The following ZNF664 variants were observed in gnomAD, a reference collection of about 807,000 sequenced individuals.
ZNF664 encodes the protein zinc finger Organ of Corti 1.
Under a neutral mutation model 18.2 loss-of-function variants are expected in ZNF664, and 10 were observed. The observed-to-expected ratio is 0.55, with a 90% CI of 0.34 to 0.93. ZNF664 has a LOEUF of 0.93. Ranked by LOEUF, ZNF664 falls within the 40% of genes least tolerant of loss-of-function variation. ZNF664 has a pLI of 0.02. For missense variants in ZNF664, 193 were observed against 319.0 expected, an observed-to-expected ratio of 0.61 and a Z score of 3.01; for synonymous variants, 119 against 104.2, an observed-to-expected ratio of 1.14 and a Z score of -0.86.
chr12:124,009,132 A>G (rs1957106707), intron 3 of ZNF664, among the ~76,000 whole-genome samples: 1 of 152,214 alleles, frequency 6.6e-6, no homozygotes, highest in African/African-American at 2.4e-5. Context: ...GGCTCCTAAC[A>G]ACTTTAACAT....
chr12:123,985,908 G>A (rs569050734), intron 2 of ZNF664, among the ~76,000 whole-genome samples: 3 of 152,286 alleles, frequency 2.0e-5, no homozygotes, highest in East Asian at 1.9e-4. Context: ...GCTTTGATTG[G>A]CTATAGACAT....
chr12:123,973,920 C>G lies in ZNF664; in HGVS notation c.-857C>G, dbSNP rs1398280436. The G allele has an allele frequency of 3.2e-6, 4 of 1,231,900 alleles. No homozygotes were observed. The highest frequency in any genetic ancestry group is 3.2e-5 in the East Asian group (1 of 31,712). The allele number at this position is 1,231,900 out of a possible 1,614,324, so 76.3% of individuals were successfully genotyped here. ...CGTCCGGCAGAGGAGGCGAGCATCC[C>G]GCTCAGGTGATGAGGAACCCCTCGC... On this transcript the variant is annotated 5_prime_UTR_variant, in exon 2 of 5. Transcript: ENST00000337815.
chr12:123,973,779 G>A (rs1956635371), intron 1 of ZNF664, 107 bp from the exon 2 acceptor site: 20 of 1,218,590 alleles, frequency 1.6e-5, no homozygotes, highest in Non-Finnish European at 1.8e-5. Flanking sequence ...GCGTCTTGGA[G>A]CCCTTCCAGG....
Position 123,973,892 on chromosome 12 carries a change from C to G in ZNF664, c.-885C>G. On this transcript the variant is annotated 5_prime_UTR_variant, in exon 2 of 5. Coordinates refer to ENST00000337815, the MANE Select transcript of ZNF664 (RefSeq NM_152437.3). ...GGTGCTGTGTGTTTTTCAGGGCGCCCTGCGTCCGGCAGAGGAGGCGAGCAT... is the reference window on the plus strand; with the variant it reads ...GGTGCTGTGTGTTTTTCAGGGCGCCGTGCGTCCGGCAGAGGAGGCGAGCAT... The G allele has an allele frequency of 1.6e-6, 2 of 1,231,862 alleles. No homozygotes were observed. The highest frequency in any genetic ancestry group is 2.0e-6 in the Non-Finnish European group (2 of 988,098). 76.3% of individuals were successfully genotyped at this position (1,231,862 alleles called of 1,614,324 possible).
rs1245222741 is a variant in ZNF664, at chr12:123,977,476, A to C, written c.-757+3456A>C. Among the ~76,000 whole-genome samples, 4 of 151,844 alleles carry C rather than the reference A, an allele frequency of 2.6e-5. No homozygotes were observed. In the East Asian group the frequency reaches 5.8e-4, roughly 22 times the overall value. On this transcript the variant is annotated intron_variant, in intron 2 of 4. Transcript: ENST00000337815. ...CCTAAAATGGCCAAAAAAAAAAAAA[A>C]AAAACCCTAAACAAGAAACTGGCTC...
At chr12:123,973,601 G>C (rs2138288614) in intron 1 of ZNF664, 2 of 401,586 alleles carry the variant, frequency 5.0e-6, no homozygotes, top group East Asian at 1.4e-4. Flanking sequence ...CGCAGTGCGG[G>C]GGAGCGGGGC....
At position 123,973,882 on chromosome 12, in the gene ZNF664, T is replaced by G. The variant is rs1238629659; in HGVS notation, c.-891-4T>G. On this transcript the variant is annotated splice_region_variant and splice_polypyrimidine_tract_variant and intron_variant, in intron 1 of 4. Coordinates refer to ENST00000337815, the MANE Select transcript of ZNF664 (RefSeq NM_152437.3). ...GGCTGCATGGGGTGCTGTGTGTTTT[T>G]CAGGGCGCCCTGCGTCCGGCAGAGG... The G allele has an allele frequency of 1.6e-5, 16 of 1,014,500 alleles. No individual in the cohort carries two copies. The highest frequency in any genetic ancestry group is 2.0e-5 in the Non-Finnish European group (16 of 798,144). 62.8% of individuals were successfully genotyped at this position (1,014,500 alleles called of 1,614,324 possible).
At chr12:123,976,281 CTT>C (rs1956690751) in intron 2 of ZNF664, among the ~76,000 whole-genome samples, 1 of 152,150 alleles carries the variant, frequency 6.6e-6, no homozygotes, top group East Asian at 1.9e-4. Flanking sequence ...CTAGGAAAGA[CTT>C]TTCTGTATAA....
chr12:124,009,432 T>A (rs1053633859), intron 3 of ZNF664, among the ~76,000 whole-genome samples: 1 of 152,154 alleles, frequency 6.6e-6, no homozygotes, highest in Admixed American at 6.5e-5. Context: ...TTCTCCCCCA[T>A]AAGTAATCAT....
chr12:123,993,615 A>G (rs965239171), intron 3 of ZNF664, among the ~76,000 whole-genome samples: 3 of 152,206 alleles, frequency 2.0e-5, no homozygotes, highest in African/African-American at 7.2e-5. Flanking sequence ...CCTGAGGCTC[A>G]TGGAGAGTGG....
chr12:123,997,457 A>G (rs1292134705), intron 3 of ZNF664, among the ~76,000 whole-genome samples: 1 of 152,208 alleles, frequency 6.6e-6, no homozygotes, highest in East Asian at 1.9e-4. Flanking sequence ...AAGGCTTTAC[A>G]GGAGAATCCT....
At position 124,015,124 on chromosome 12, in the gene ZNF664, T is replaced by C. The variant is rs1157108056; in HGVS notation, c.*2194T>C. 2 of 167,146 alleles carry C rather than the reference T, an allele frequency of 1.2e-5. No homozygotes were observed. Among genetic ancestry groups the C allele is most frequent in the Non-Finnish European group, 2.9e-5 (2 of 68,126 alleles). The allele number at this position is 167,146 out of a possible 1,614,324, so 10.4% of individuals were successfully genotyped here. A position where few individuals can be genotyped will look rare whatever the true frequency, so the allele number is the denominator to read the frequency against. Reference sequence around the variant, plus strand: ...ATTTTAGTTTTAGGAAAAATTGGTTTGATTTCTAGCTTTATTACTATTAGG... The same window carrying C: ...ATTTTAGTTTTAGGAAAAATTGGTTCGATTTCTAGCTTTATTACTATTAGG... On this transcript the variant is annotated 3_prime_UTR_variant, in exon 5 of 5. Transcript: ENST00000337815.
chr12:124,012,186 G>A lies in ZNF664; in HGVS notation c.42G>A (p.Glu14=), dbSNP rs757117597. 22 of 1,613,048 alleles carry A rather than the reference G, an allele frequency of 1.4e-5. No individual in the cohort carries two copies. Among genetic ancestry groups the A allele is most frequent in the Non-Finnish European group, 1.9e-5 (22 of 1,179,806 alleles). ...CCATGTGTAGGGAATTTTTCTCTGA[G>A]AGAGCAGATCTTTTTATGCATCAGA... is the stretch of plus-strand genomic sequence containing the variant. ...KCPMCREFFS[E]RADLFMHQKI... is the part of the protein sequence containing the mutation. The change falls in exon 5 of 5, where the codon GAG becomes GAA. Residue 14 remains glutamate, a synonymous_variant. Coordinates refer to ENST00000337815, the MANE Select transcript of ZNF664 (RefSeq NM_152437.3).
chr12:123,993,974 ATACCT>A (rs558711375), intron 3 of ZNF664, among the ~76,000 whole-genome samples: 33 of 152,342 alleles, frequency 2.2e-4, no homozygotes, highest in African/African-American at 1.7e-4. Flanking sequence ...TCTTGTAAGA[ATACCT>A]TAGTGAATTG....
chr12:123,993,891 A>G (rs182498100), intron 3 of ZNF664, among the ~76,000 whole-genome samples: 39 of 152,310 alleles, frequency 2.6e-4, no homozygotes, highest in African/African-American at 9.4e-4. Context: ...CTTTCTCCAC[A>G]TGAGTGGGGC....
At chr12:124,007,706 T>C (rs1051299221) in intron 3 of ZNF664, among the ~76,000 whole-genome samples, 4 of 152,220 alleles carry the variant, frequency 2.6e-5, no homozygotes, top group Non-Finnish European at 5.9e-5. Flanking sequence ...ATTTTTTTTT[T>C]TAACCATGAA....
rs1956643740 is a variant in ZNF664, at chr12:123,974,026, C to T, written c.-757+6C>T. ...AGGGCCGGATTCTCACCCAGGTAAACCGGCTGCCGGCGCTGTCCACTTCCC... is the reference window on the plus strand; with the variant it reads ...AGGGCCGGATTCTCACCCAGGTAAATCGGCTGCCGGCGCTGTCCACTTCCC... On this transcript the variant is annotated splice_donor_region_variant and intron_variant, in intron 2 of 4. Transcript: ENST00000337815. 2 of 1,231,706 alleles carry T rather than the reference C, an allele frequency of 1.6e-6. No individual in the cohort carries two copies. The highest frequency in any genetic ancestry group is 2.0e-6 in the Non-Finnish European group (2 of 988,020). The allele number at this position is 1,231,706 out of a possible 1,614,324, so 76.3% of individuals were successfully genotyped here.
chr12:123,973,867 G>T lies in ZNF664; in HGVS notation c.-891-19G>T. ...GGCTGCGGAGGAGCCGGCTGCATGGGGTGCTGTGTGTTTTTCAGGGCGCCC... is the reference window on the plus strand; with the variant it reads ...GGCTGCGGAGGAGCCGGCTGCATGGTGTGCTGTGTGTTTTTCAGGGCGCCC... On this transcript the variant is annotated intron_variant, in intron 1 of 4. Coordinates refer to ENST00000337815, the MANE Select transcript of ZNF664 (RefSeq NM_152437.3). 1.8e-6 allele frequency: 2 copies of T among 1,092,274 alleles called. No individual in the cohort carries two copies. Among genetic ancestry groups the T allele is most frequent in the Admixed American group, 4.6e-5 (1 of 21,598 alleles). The allele number at this position is 1,092,274 out of a possible 1,614,324, so 67.7% of individuals were successfully genotyped here. A position where few individuals can be genotyped will look rare whatever the true frequency, so the allele number is the denominator to read the frequency against.
intron 2 of ZNF664, among the ~76,000 whole-genome samples, chr12:123,976,562 G>A (rs979064828): frequency 1.3e-5 from 2 of 152,198 alleles, no homozygotes; most frequent in African/African-American, 4.8e-5. Context: ...ACCATGATAT[G>A]GGTTGGGATT....
Sources: gnomAD v4.1 joint callset for allele counts (sites outside exome capture counted in the v4.1 genomes callset) on GRCh38, gnomAD v4.1.1 for gene constraint, MANE v1.5 for transcripts, NCBI Gene and HGNC (gene_info 2026-07-23, HGNC 2026-07-21) for gene names.